NBEA: variants seen among roughly 807,000 people sequenced by gnomAD.
NBEA encodes lysosomal-trafficking regulator 2.
NBEA carries 44 observed loss-of-function variants against 343.4 expected under a neutral mutation model. The ratio of observed to expected loss-of-function variants is 0.13; its 90% CI spans 0.10 to 0.16. The LOEUF (loss-of-function observed/expected upper bound fraction) is 0.16, where lower values mean the gene tolerates loss of function less well. NBEA is among the 10% of genes least tolerant of loss of function. The pLI is 1.00. For synonymous variants in NBEA, 1,175 were observed against 1,238.7 expected (o/e 0.95, Z 1.08); for missense variants, 2,555 against 3,631.3 (o/e 0.70, Z 7.62).
intron 1 of NBEA, among the ~76,000 whole-genome samples, chr13:34,977,997 G>A (rs2060237209): frequency 6.6e-6 from 1 of 151,994 alleles, no homozygotes. Context: ...TTTAGAGAAT[G>A]GGTCTCACTG....
chr13:35,361,154 A>C (rs1309911361), intron 38 of NBEA, among the ~76,000 whole-genome samples: 1 of 152,068 alleles, frequency 6.6e-6, no homozygotes, highest in Non-Finnish European at 1.5e-5. Context: ...AACAATTCAA[A>C]AGATAACTTT....
intron 53 of NBEA, among the ~76,000 whole-genome samples, chr13:35,652,362 C>T (rs56384039): frequency 2.7e-5 from 4 of 148,740 alleles, no homozygotes; most frequent in Admixed American, 6.7e-5. Flanking sequence ...AAAAAAGGGC[C>T]GGGCATGGTG....
In NBEA at chr13:35,353,319, T is replaced by C. The variant is rs1413160675; in HGVS notation, c.6179+996T>C. Among the ~76,000 whole-genome samples, 5 of 151,954 alleles carry C rather than the reference T, an allele frequency of 3.3e-5. No individual in the cohort carries two copies. In the East Asian group the frequency reaches 9.7e-4, roughly 30 times the overall value. On this transcript the variant is annotated intron_variant, in intron 38 of 58. Coordinates refer to ENST00000379939, the MANE Select transcript of NBEA (RefSeq NM_001385012.1). Reference sequence around the variant, plus strand: ...GCGTGGTGGCGGGCACCTGTAATCCTAGCTACTCAGGAGGCTGAGGCACAA... The same window carrying C: ...GCGTGGTGGCGGGCACCTGTAATCCCAGCTACTCAGGAGGCTGAGGCACAA...
chr13:35,460,957 G>A (rs565068423), intron 40 of NBEA, among the ~76,000 whole-genome samples: 2 of 152,276 alleles, frequency 1.3e-5, no homozygotes, highest in African/African-American at 4.8e-5. Flanking sequence ...CACATGTGAG[G>A]GGCTGAGGGA....
chr13:35,663,085 AC>A (rs2085179118), intron 55 of NBEA, among the ~76,000 whole-genome samples: 1 of 152,204 alleles, frequency 6.6e-6, no homozygotes, highest in South Asian at 2.1e-4. Context: ...AGGATATCCA[AC>A]ACCTCAGACA....
chr13:35,064,511 CA>C (rs1265091125), intron 8 of NBEA, among the ~76,000 whole-genome samples: 2 of 151,946 alleles, frequency 1.3e-5, no homozygotes, highest in Non-Finnish European at 2.9e-5. Context: ...ACTGAAAATA[CA>C]GTTAATTTGT....
intron 6 of NBEA, among the ~76,000 whole-genome samples, chr13:35,054,648 T>C (rs1200787517): frequency 2.7e-4 from 40 of 147,868 alleles, no homozygotes; most frequent in African/African-American, 8.4e-4. Context: ...CTTTTCTTTT[T>C]TTTTTTTTTT....
At chr13:35,226,687 T>TA in intron 33 of NBEA, among the ~76,000 whole-genome samples, 2 of 146,488 alleles carry the variant, frequency 1.4e-5, no homozygotes, top group South Asian at 4.2e-4. Context: ...TCTACATCTT[T>TA]TTTTTTTTTT....
intron 33 of NBEA, among the ~76,000 whole-genome samples, chr13:35,224,383 A>G (rs2074540999): frequency 6.6e-6 from 1 of 152,158 alleles, no homozygotes; most frequent in African/African-American, 2.4e-5. Flanking sequence ...TCACATTTAT[A>G]TAAAATTATT....
At chr13:35,004,776 AAAG>A (rs1188809303) in intron 1 of NBEA, among the ~76,000 whole-genome samples, 1 of 152,238 alleles carries the variant, frequency 6.6e-6, no homozygotes, top group Non-Finnish European at 1.5e-5. Flanking sequence ...TAAAGATCCA[AAAG>A]AAGAGGATTT....
chr13:35,171,195 G>A, intron 25 of NBEA, 77 bp from the exon 26 acceptor site: 1 of 1,031,506 alleles, frequency 9.7e-7, no homozygotes, highest in Non-Finnish European at 1.5e-6. Flanking sequence ...ATGTTCACTT[G>A]TAGTATGTAT....
At chr13:34,943,717 T>A (rs1016798491) in intron 1 of NBEA, among the ~76,000 whole-genome samples, 2 of 152,224 alleles carry the variant, frequency 1.3e-5, no homozygotes, top group Non-Finnish European at 2.9e-5. Flanking sequence ...CAGCCGTCCC[T>A]TCTTTGTAAT....
At chr13:35,106,186 A>G (rs957093835) in intron 11 of NBEA, among the ~76,000 whole-genome samples, 6 of 152,068 alleles carry the variant, frequency 3.9e-5, no homozygotes, top group African/African-American at 1.4e-4. Context: ...TTTCTGTAAG[A>G]TTTAAATTGT....
Position 35,666,936 on chromosome 13 carries a change from C to T in NBEA, c.8465-438C>T, listed in dbSNP as rs375823811. 7.4e-4 allele frequency among the ~76,000 whole-genome samples: 113 copies of T among 152,236 alleles called. No homozygotes were observed. The South Asian group carries it at 1.0e-2, about 13-fold the overall frequency. ...ACAGAAAAAGGTAAAATGTACTTGA[C>T]GGCAGTGTATTGATGTGGTACAACG... On this transcript the variant is annotated intron_variant, in intron 56 of 58. Transcript: ENST00000379939.
At chr13:35,188,906 G>GTTTT (rs571102808) in intron 30 of NBEA, among the ~76,000 whole-genome samples, 1 of 109,754 alleles carries the variant, frequency 9.1e-6, no homozygotes, top group Non-Finnish European at 1.9e-5. Context: ...TTTACTTTTT[G>GTTTT]TTTTTTTTTT....
At chr13:35,364,921 G>A (rs981230782) in intron 38 of NBEA, among the ~76,000 whole-genome samples, 8 of 151,696 alleles carry the variant, frequency 5.3e-5, no homozygotes, top group East Asian at 3.9e-4. Flanking sequence ...AATACATTAC[G>A]GAATAACAGA....
chr13:35,651,158 T>A (rs1339558691), intron 52 of NBEA, among the ~76,000 whole-genome samples: 1 of 152,252 alleles, frequency 6.6e-6, no homozygotes, highest in African/African-American at 2.4e-5. Flanking sequence ...GTGTTGTATA[T>A]ATTGTATAAT....
At chr13:35,618,683 C>T (rs1316290356) in intron 48 of NBEA, among the ~76,000 whole-genome samples, 2 of 152,300 alleles carry the variant, frequency 1.3e-5, no homozygotes, top group African/African-American at 4.8e-5. Flanking sequence ...ATTAGACTGA[C>T]TTACTCATGA....
intron 45 of NBEA, among the ~76,000 whole-genome samples, chr13:35,578,209 C>T (rs1453191085): frequency 6.6e-6 from 1 of 152,162 alleles, no homozygotes; most frequent in Non-Finnish European, 1.5e-5. Context: ...TTCTGTAAAA[C>T]GTCTAGCCAC....
Sources: allele counts gnomAD v4.1 joint callset (sites outside exome capture counted in the v4.1 genomes callset), GRCh38; gene constraint gnomAD v4.1.1; transcripts MANE v1.5; gene names NCBI Gene and HGNC (gene_info 2026-07-23, HGNC 2026-07-21).